BRINP3: variants seen among roughly 807,000 people sequenced by gnomAD.
BRINP3 encodes BMP/retinoic acid inducible neural specific 3, also known as BMP/retinoic acid-inducible neural-specific protein 3.
A neutral mutation model predicts 71.0 loss-of-function variants in BRINP3; 19 were observed. The observed-to-expected ratio is 0.27, with a 90% CI of 0.19 to 0.39. The LOEUF (loss-of-function observed/expected upper bound fraction) is 0.39, where lower values mean the gene tolerates loss of function less well. Among genes scored for constraint, BRINP3 ranks in the 10% least tolerant of loss-of-function variants. The pLI is 1.00. For missense variants in BRINP3, 959 were observed against 940.8 expected (o/e 1.02, Z -0.25); for synonymous variants, 380 against 337.7 (o/e 1.13, Z -1.37).
rs140136516 is a variant in BRINP3 at position 190,255,409 on chromosome 1, G to A, written c.618+9456C>T. On this transcript the variant is annotated intron_variant, in intron 4 of 7. Coordinates refer to ENST00000367462, the MANE Select transcript of BRINP3 (RefSeq NM_199051.3). ...TATAATTTGGCTGGGAATCCATCTG[G>A]TCCTCGACTGTTTTTGGTTGATATG... Among the ~76,000 whole-genome samples, 962 of 152,126 alleles carry A rather than the reference G, an allele frequency of 6.3e-3. 7 individuals are homozygous for A. Among genetic ancestry groups the A allele is most frequent in the Non-Finnish European group, 0.011 (733 of 68,002 alleles).
chr1:190,127,613 G>A (rs75980660), intron 7 of BRINP3, among the ~76,000 whole-genome samples: 3 of 151,876 alleles, frequency 2.0e-5, no homozygotes, highest in East Asian at 3.9e-4. Flanking sequence ...CAAACTAACC[G>A]TCACTGTGGC....
In BRINP3 at chr1:190,363,915, A is replaced by C. The variant is rs112572543; in HGVS notation, c.237-82165T>G. On this transcript the variant is annotated intron_variant, in intron 2 of 7. Transcript: ENST00000367462. Reference sequence around the variant, plus strand: ...TCAATGGGAATGCAGGAGGAGGTACAGATTTGAATTGATGGGTGAGAGAAA... The same window carrying C: ...TCAATGGGAATGCAGGAGGAGGTACCGATTTGAATTGATGGGTGAGAGAAA... 3.2e-3 allele frequency among the ~76,000 whole-genome samples: 483 copies of C among 152,298 alleles called. 5 individuals carry two copies. The highest frequency in any genetic ancestry group is 0.011 in the African/African-American group (455 of 41,566).
chr1:190,180,957 A>T (rs762205891), intron 6 of BRINP3, among the ~76,000 whole-genome samples: 31 of 152,044 alleles, frequency 2.0e-4, no homozygotes, highest in Non-Finnish European at 4.0e-4. Context: ...ATTAATAGGC[A>T]TAATTTATGT....
At chr1:190,283,390 T>G (rs1208398853) in intron 2 of BRINP3, among the ~76,000 whole-genome samples, 4 of 152,014 alleles carry the variant, frequency 2.6e-5, no homozygotes, top group Non-Finnish European at 5.9e-5. Context: ...GACCATACTT[T>G]GAATAAAACA....
At chr1:190,282,584 TAATC>T (rs1023127859) in intron 2 of BRINP3, among the ~76,000 whole-genome samples, 1 of 151,990 alleles carries the variant, frequency 6.6e-6, no homozygotes, top group African/African-American at 2.4e-5. Flanking sequence ...ATTTATAAAA[TAATC>T]AAATAAAATG....
intron 2 of BRINP3, among the ~76,000 whole-genome samples, chr1:190,390,397 A>G (rs918813891): frequency 2.0e-5 from 3 of 151,836 alleles, no homozygotes; most frequent in African/African-American, 4.8e-5. Flanking sequence ...ATGCTTAGAT[A>G]GAAAAGAGGG....
intron 2 of BRINP3, among the ~76,000 whole-genome samples, chr1:190,323,782 C>G (rs1201646932): frequency 6.6e-6 from 1 of 151,740 alleles, no homozygotes; most frequent in African/African-American, 2.4e-5. Context: ...TTCAGTTACA[C>G]CAAAGATATT....
At chr1:190,270,382 C>G (rs1255721254) in intron 3 of BRINP3, among the ~76,000 whole-genome samples, 1 of 150,910 alleles carries the variant, frequency 6.6e-6, no homozygotes, top group South Asian at 2.1e-4. Flanking sequence ...TAAAAGCCAT[C>G]CCTAAAAAAT....
chr1:190,451,209 A>G (rs548866309), intron 2 of BRINP3, among the ~76,000 whole-genome samples: 1 of 152,186 alleles, frequency 6.6e-6, no homozygotes, highest in South Asian at 2.1e-4. Flanking sequence ...TTTTGTTTTG[A>G]GTCATCATAT....
chr1:190,135,858 A>T (rs989088633), intron 7 of BRINP3, among the ~76,000 whole-genome samples: 1 of 152,086 alleles, frequency 6.6e-6, no homozygotes, highest in Non-Finnish European at 1.5e-5. Context: ...TTCCTATTTT[A>T]TTAAAATTTG....
intron 2 of BRINP3, among the ~76,000 whole-genome samples, chr1:190,347,373 C>T (rs2102022936): frequency 6.6e-6 from 1 of 152,282 alleles, no homozygotes. Flanking sequence ...ATCTCCTGAC[C>T]TCATGATCCG....
intron 7 of BRINP3, among the ~76,000 whole-genome samples, chr1:190,128,164 T>C (rs1305977782): frequency 6.6e-6 from 1 of 151,754 alleles, no homozygotes; most frequent in Non-Finnish European, 1.5e-5. Context: ...ATAAGTTACT[T>C]CTTTGAACTT....
intron 6 of BRINP3, among the ~76,000 whole-genome samples, chr1:190,217,542 T>G (rs1256721917): frequency 1.3e-5 from 2 of 152,050 alleles, no homozygotes; most frequent in Non-Finnish European, 2.9e-5. Context: ...ATTATTTAGC[T>G]ATCTATACCC....
rs61426124 is a variant in BRINP3, at chr1:190,429,575, T to A, written c.236+25080A>T. ...TTATCTAAAGATTTTTAAATTTTAA[T>A]TACATCTTTCTTTCTTCCTTTTTTT... is the stretch of plus-strand genomic sequence containing the variant. On this transcript the variant is annotated intron_variant, in intron 2 of 7. Transcript: ENST00000367462. 3.7e-3 allele frequency among the ~76,000 whole-genome samples: 561 copies of A among 151,746 alleles called. 4 individuals are homozygous for A. The highest frequency in any genetic ancestry group is 0.013 in the African/African-American group (521 of 41,424).
At chr1:190,321,939 T>C (rs1012273092) in intron 2 of BRINP3, among the ~76,000 whole-genome samples, 1 of 152,008 alleles carries the variant, frequency 6.6e-6, no homozygotes, top group Non-Finnish European at 1.5e-5. Context: ...AGCCTACAAT[T>C]ATTAAGTGAG....
chr1:190,263,412 C>T (rs978015175), intron 4 of BRINP3, among the ~76,000 whole-genome samples: 8 of 152,058 alleles, frequency 5.3e-5, no homozygotes, highest in African/African-American at 1.9e-4. Context: ...TTCCCAACAT[C>T]ATCTACTAGC....
At chr1:190,404,663 C>A (rs943288467) in intron 2 of BRINP3, among the ~76,000 whole-genome samples, 1 of 152,166 alleles carries the variant, frequency 6.6e-6, no homozygotes, top group Admixed American at 6.5e-5. Context: ...TTTGGCCCTT[C>A]AAAACCCTGT....
At chr1:190,269,818 G>C (rs1204372318) in intron 3 of BRINP3, among the ~76,000 whole-genome samples, 1 of 151,938 alleles carries the variant, frequency 6.6e-6, no homozygotes, top group Non-Finnish European at 1.5e-5. Flanking sequence ...ATTGCAAAAT[G>C]ATACAACTTA....
intron 6 of BRINP3, among the ~76,000 whole-genome samples, chr1:190,184,304 A>G (rs1405998903): frequency 2.0e-5 from 3 of 152,184 alleles, no homozygotes; most frequent in African/African-American, 4.8e-5. Flanking sequence ...TAGTTCAGCC[A>G]CTGTGGAAAG....
Sources: allele counts gnomAD v4.1 joint callset (sites outside exome capture counted in the v4.1 genomes callset), GRCh38; gene constraint gnomAD v4.1.1; transcripts MANE v1.5; gene names NCBI Gene and HGNC (gene_info 2026-07-23, HGNC 2026-07-21).